The following PARD3B variants were observed in gnomAD, a reference collection of about 807,000 sequenced individuals.
PARD3B encodes par-3 family cell polarity regulator beta.
PARD3B carries 103 observed loss-of-function variants against 130.2 expected under a neutral mutation model. The observed-to-expected ratio is 0.79, with a 90% CI of 0.67 to 0.93. The LOEUF (loss-of-function observed/expected upper bound fraction) is 0.93. Ranked by LOEUF, PARD3B falls within the 40% of genes least tolerant of loss-of-function variation. The pLI is 0.00. For missense variants in PARD3B, 1,609 were observed against 1,499.2 expected (o/e 1.07, Z -1.21); for synonymous variants, 583 against 553.2 (o/e 1.05, Z -0.76).
At chr2:204,883,447 A>AT (rs1431117343) in intron 2 of PARD3B, among the ~76,000 whole-genome samples, 3 of 95,822 alleles carry the variant, frequency 3.1e-5, no homozygotes, top group African/African-American at 1.5e-4. Context: ...ATATATATAT[A>AT]TATATATATT....
chr2:205,014,560 A>G (rs1230863547), intron 3 of PARD3B, among the ~76,000 whole-genome samples: 1 of 152,204 alleles, frequency 6.6e-6, no homozygotes, highest in Admixed American at 6.5e-5. Context: ...CTGTAGGGTT[A>G]TTTGGCATGT....
intron 3 of PARD3B, among the ~76,000 whole-genome samples, chr2:205,033,338 T>C (rs1035164376): frequency 5.3e-5 from 8 of 152,150 alleles, no homozygotes; most frequent in African/African-American, 1.7e-4. Flanking sequence ...GTTACAAATA[T>C]CTTTCAAAGT....
At chr2:205,422,456 T>C (rs201884400) in intron 19 of PARD3B, among the ~76,000 whole-genome samples, 1 of 152,178 alleles carries the variant, frequency 6.6e-6, no homozygotes, top group African/African-American at 2.4e-5. Flanking sequence ...AGATTCTCCA[T>C]GAAGGGAGCT....
At chr2:205,001,747 A>G (rs73984493) in intron 3 of PARD3B, among the ~76,000 whole-genome samples, 3 of 152,324 alleles carry the variant, frequency 2.0e-5, no homozygotes, top group African/African-American at 7.2e-5. Context: ...AACTCCTTGT[A>G]GGGCAAACAC....
At position 205,558,311 on chromosome 2, in the gene PARD3B, C is replaced by T. The variant is rs187867674; in HGVS notation, c.3260+4908C>T. 6.6e-6 allele frequency among the ~76,000 whole-genome samples: 1 copy of T among 152,230 alleles called. No homozygotes were observed. The highest frequency in any genetic ancestry group is 2.4e-5 in the African/African-American group (1 of 41,530). ...GAGCATGATGCTCTAGCTCCCAGGG[C>T]AGACATGGCATGACAGCAGCACCCT... On this transcript the variant is annotated intron_variant, in intron 22 of 22. Coordinates refer to ENST00000406610, the MANE Select transcript of PARD3B (RefSeq NM_001302769.2). This position sits in a 1 kb window ranked among gnomAD's most constrained non-coding sequence, Gnocchi z 4.8.
intron 19 of PARD3B, among the ~76,000 whole-genome samples, chr2:205,403,705 A>G (rs1479544614): frequency 6.6e-6 from 1 of 152,214 alleles, no homozygotes; most frequent in Non-Finnish European, 1.5e-5. Context: ...TTTCATACAC[A>G]AGCCCAAGGT....
At chr2:204,660,406 T>C (rs920616386) in intron 1 of PARD3B, among the ~76,000 whole-genome samples, 6 of 152,174 alleles carry the variant, frequency 3.9e-5, no homozygotes, top group African/African-American at 1.4e-4. Context: ...TTAAAACAAA[T>C]GAAGTTATTT....
rs1045743182 is a variant in PARD3B at position 204,545,480 on chromosome 2, A to T, written c.-520A>T. On this transcript the variant is annotated 5_prime_UTR_variant, in exon 1 of 23. Coordinates refer to ENST00000406610, the MANE Select transcript of PARD3B (RefSeq NM_001302769.2). ...GGGCCCAGGCCGTCGCCGGGACCGC[A>T]GGAGCCCAGAGCGCGGGCGCCGCAG... is the stretch of plus-strand genomic sequence containing the variant. 6.6e-6 allele frequency among the ~76,000 whole-genome samples: 1 copy of T among 151,960 alleles called. No individual in the cohort carries two copies. The highest frequency in any genetic ancestry group is 1.5e-5 in the Non-Finnish European group (1 of 67,962).
chr2:205,322,919 T>TTTTTTTTTA, intron 18 of PARD3B, among the ~76,000 whole-genome samples: 1 of 83,848 alleles, frequency 1.2e-5, no homozygotes, highest in Non-Finnish European at 2.2e-5. Flanking sequence ...TTTTTTTTTT[T>TTTTTTTTTA]TTTTTTTTTT....
chr2:205,489,500 T>TATATATACGTATATATACAC (rs1559141226), intron 20 of PARD3B, among the ~76,000 whole-genome samples: 53,846 of 137,862 alleles, frequency 0.39, 11,341 homozygotes, highest in Admixed American at 0.49. Flanking sequence ...TATGTGTGTA[T>TATATATACGTATATATACAC]ATATATATAC....
At chr2:205,256,359 C>T (rs558507932) in intron 16 of PARD3B, among the ~76,000 whole-genome samples, 1 of 152,170 alleles carries the variant, frequency 6.6e-6, no homozygotes, top group South Asian at 2.1e-4. Context: ...TACCGTATAC[C>T]AGGCTCTTTG....
chr2:205,189,285 T>TC (rs1288132719), intron 14 of PARD3B, among the ~76,000 whole-genome samples: 2 of 152,178 alleles, frequency 1.3e-5, no homozygotes, highest in Admixed American at 6.5e-5. Flanking sequence ...AAAATCTTCA[T>TC]CCCCCACCTT....
chr2:205,304,415 C>T (rs1049567431), intron 18 of PARD3B, among the ~76,000 whole-genome samples: 3 of 152,122 alleles, frequency 2.0e-5, no homozygotes, highest in Admixed American at 6.5e-5. Context: ...ACGGGCGGAT[C>T]ACCTGAGGTC....
At chr2:205,168,218 G>C (rs115394735) in intron 11 of PARD3B, among the ~76,000 whole-genome samples, 2 of 150,990 alleles carry the variant, frequency 1.3e-5, no homozygotes, top group African/African-American at 2.4e-5. Flanking sequence ...CAGAAGCGGG[G>C]AACATAATTG....
In PARD3B at chr2:205,047,485, G is replaced by T. The variant is rs1336327273; in HGVS notation, c.395-96G>T. 1.1e-5 allele frequency: 7 copies of T among 627,588 alleles called. No homozygotes were observed. The South Asian group carries it at 1.5e-4, about 13-fold the overall frequency. 38.9% of individuals were successfully genotyped at this position (627,588 alleles called of 1,614,324 possible). Reference sequence around the variant, plus strand: ...AGAAATAGAATGTTTTTACATAAAAGCCTGTTGTAAACCTTTTAAATTAAA... The same window carrying T: ...AGAAATAGAATGTTTTTACATAAAATCCTGTTGTAAACCTTTTAAATTAAA... On this transcript the variant is annotated intron_variant, in intron 3 of 22. Transcript: ENST00000406610.
intron 2 of PARD3B, among the ~76,000 whole-genome samples, chr2:204,855,445 G>A (rs937265290): frequency 6.6e-6 from 1 of 151,704 alleles, no homozygotes; most frequent in Non-Finnish European, 1.5e-5. Context: ...GAGAGGCTGA[G>A]GCAGGAGAAT....
chr2:205,082,782 A>G (rs1427549111), intron 4 of PARD3B, among the ~76,000 whole-genome samples: 2 of 152,272 alleles, frequency 1.3e-5, no homozygotes, highest in South Asian at 2.1e-4. Flanking sequence ...AGGAGATTAA[A>G]TATCTTCAGG....
chr2:204,733,182 T>C (rs938733956), intron 2 of PARD3B, among the ~76,000 whole-genome samples: 1 of 152,124 alleles, frequency 6.6e-6, no homozygotes. Flanking sequence ...ACGACTGTAA[T>C]AGATTGCAAT....
chr2:205,524,381 T>G (rs747171077), intron 21 of PARD3B, among the ~76,000 whole-genome samples: 1 of 152,136 alleles, frequency 6.6e-6, no homozygotes, highest in African/African-American at 2.4e-5. Context: ...CACCTCCTGT[T>G]TAGAAGTTCA....
Sources: gnomAD v4.1 joint callset for allele counts (sites outside exome capture counted in the v4.1 genomes callset) on GRCh38, gnomAD v4.1.1 for gene constraint, Gnocchi (gnomAD v3.1) non-coding constraint, MANE v1.5 for transcripts, NCBI Gene and HGNC (gene_info 2026-07-23, HGNC 2026-07-21) for gene names.